Variants in TBC1D22A observed in about 807,000 individuals in gnomAD.
The protein encoded by TBC1D22A is TBC1 domain family member 22A.
A neutral mutation model predicts 60.2 loss-of-function variants in TBC1D22A; 38 were observed. That is an observed-to-expected ratio of 0.63 (90% confidence interval 0.49 to 0.83). The LOEUF (loss-of-function observed/expected upper bound fraction) is 0.83, where lower values mean the gene tolerates loss of function less well. Ranked by LOEUF, TBC1D22A falls within the 40% of genes least tolerant of loss-of-function variation. The pLI, the probability that TBC1D22A is intolerant of heterozygous loss-of-function variation, is 0.00. For synonymous variants in TBC1D22A, 302 were observed against 281.7 expected (o/e 1.07, Z -0.72); for missense variants, 628 against 701.0 (o/e 0.90, Z 1.18).
At chr22:47,018,817 G>A (rs2061987215) in intron 10 of TBC1D22A, among the ~76,000 whole-genome samples, 1 of 152,188 alleles carries the variant, frequency 6.6e-6, no homozygotes, top group African/African-American at 2.4e-5. Flanking sequence ...GGTGGGACGA[G>A]TGGAAACACG....
intron 8 of TBC1D22A, among the ~76,000 whole-genome samples, chr22:46,938,329 A>T (rs1043308808): frequency 5.3e-5 from 8 of 152,190 alleles, no homozygotes; most frequent in Non-Finnish European, 1.0e-4. Context: ...CACGCTGCAC[A>T]GGTTTGTGGC....
intron 12 of TBC1D22A, among the ~76,000 whole-genome samples, chr22:47,155,336 A>C (rs1200054045): frequency 6.6e-6 from 1 of 152,146 alleles, no homozygotes; most frequent in African/African-American, 2.4e-5. Context: ...CGGGCTGGCC[A>C]GCTCTGGCAG....
intron 8 of TBC1D22A, among the ~76,000 whole-genome samples, chr22:46,932,747 TG>T (rs1187880070): frequency 7.9e-6 from 1 of 127,112 alleles, no homozygotes; most frequent in Non-Finnish European, 1.6e-5. Context: ...TTTTTTGAGA[TG>T]GAGTCTCGCC....
intron 4 of TBC1D22A, among the ~76,000 whole-genome samples, chr22:46,825,595 T>C (rs2086019080): frequency 6.6e-6 from 1 of 152,298 alleles, no homozygotes; most frequent in Non-Finnish European, 1.5e-5. Context: ...TGCCTCAGCC[T>C]CCCAAGTAGC....
At chr22:46,792,259 G>A (rs916616693) in intron 1 of TBC1D22A, among the ~76,000 whole-genome samples, 19 of 152,030 alleles carry the variant, frequency 1.2e-4, no homozygotes, top group Admixed American at 3.3e-4. Flanking sequence ...GGTGCTTGTC[G>A]GGCTGAGGTC....
At chr22:46,765,293 A>T (rs1311619371) in intron 1 of TBC1D22A, among the ~76,000 whole-genome samples, 1 of 152,180 alleles carries the variant, frequency 6.6e-6, no homozygotes, top group Admixed American at 6.5e-5. Context: ...GAGGAGTCAC[A>T]GAGGGGTGCC....
intron 10 of TBC1D22A, among the ~76,000 whole-genome samples, chr22:47,012,857 TC>T (rs1468520354): frequency 6.6e-6 from 1 of 152,164 alleles, no homozygotes; most frequent in East Asian, 1.9e-4. Context: ...TAACAGTTGT[TC>T]CGAGAGCTCA....
At chr22:46,900,084 G>T (rs1378620373) in intron 7 of TBC1D22A, among the ~76,000 whole-genome samples, 1 of 151,390 alleles carries the variant, frequency 6.6e-6, no homozygotes, top group Non-Finnish European at 1.5e-5. Context: ...CCTCTGGTCA[G>T]CTTTATCGAG....
At chr22:47,118,146 G>A (rs2066137217) in intron 12 of TBC1D22A, among the ~76,000 whole-genome samples, 1 of 152,082 alleles carries the variant, frequency 6.6e-6, no homozygotes, top group African/African-American at 2.4e-5. Flanking sequence ...AAAAAATAAG[G>A]TGGATTGTGA....
intron 11 of TBC1D22A, among the ~76,000 whole-genome samples, chr22:47,064,842 C>G (rs142273569): frequency 1.1e-4 from 17 of 152,340 alleles, no homozygotes; most frequent in African/African-American, 3.6e-4. Context: ...AATGTTAACT[C>G]TCCAAGTGTC....
At chr22:46,774,135 G>A in intron 1 of TBC1D22A, 1 of 985,664 alleles carries the variant, frequency 1.0e-6, no homozygotes, top group African/African-American at 1.7e-5. Context: ...GGGCCTGCCT[G>A]CCCTTGGAGC....
chr22:46,793,738 G>C lies in TBC1D22A; in HGVS notation c.357G>C (p.Gly119=). Residue 119 remains glycine, a synonymous_variant, in exon 3 of 13, where the codon GGG becomes GGC. Transcript: ENST00000337137. ...QGRPTLQEGP[G]LQQKPRPEAE... is the part of the protein sequence containing the mutation. ...GGCCCACGCTGCAGGAGGGGCCAGG[G>C]CTTCAGCAGAAGCCCAGGCCCGAGG... The C allele has an allele frequency of 6.2e-7, 1 of 1,606,802 alleles. No individual in the cohort carries two copies. Among genetic ancestry groups the C allele is most frequent in the Non-Finnish European group, 8.5e-7 (1 of 1,178,016 alleles).
At chr22:47,140,289 G>T (rs919708451) in intron 12 of TBC1D22A, among the ~76,000 whole-genome samples, 6 of 152,056 alleles carry the variant, frequency 3.9e-5, no homozygotes, top group African/African-American at 1.4e-4. Context: ...ATGCTACTGT[G>T]GGCCGGGCGT....
At chr22:46,901,974 A>C (rs1050825339) in intron 7 of TBC1D22A, among the ~76,000 whole-genome samples, 1 of 152,198 alleles carries the variant, frequency 6.6e-6, no homozygotes, top group South Asian at 2.1e-4. Flanking sequence ...CAACATTTTC[A>C]ATTTCAATAT....
At chr22:46,774,258 C>T (rs1156823287) in intron 1 of TBC1D22A, 1 of 985,558 alleles carries the variant, frequency 1.0e-6, no homozygotes, top group Non-Finnish European at 1.2e-6. Context: ...TTCTAGGTCC[C>T]CCCTGGTGTT....
chr22:47,037,065 G>C lies in TBC1D22A; in HGVS notation c.1202-6G>C, dbSNP rs779625680. The C allele has an allele frequency of 5.0e-6, 8 of 1,613,298 alleles. No individual in the cohort carries two copies. The highest frequency in any genetic ancestry group is 1.7e-5 in the Admixed American group (1 of 60,004). ...CAGCCTTGGGGCCTGTGTTTGTTTT[G>C]TGCAGAGCAAGTGCACCGGCACCTG... On this transcript the variant is annotated splice_region_variant and splice_polypyrimidine_tract_variant and intron_variant, in intron 10 of 12. Coordinates refer to ENST00000337137, the MANE Select transcript of TBC1D22A (RefSeq NM_014346.5).
At chr22:46,903,769 A>AG (rs2069183922) in intron 7 of TBC1D22A, among the ~76,000 whole-genome samples, 2 of 152,172 alleles carry the variant, frequency 1.3e-5, no homozygotes, top group African/African-American at 4.8e-5. Flanking sequence ...ATCTCCTTGA[A>AG]GAGATTCTTA....
At chr22:47,129,214 C>T (rs1260138280) in intron 12 of TBC1D22A, among the ~76,000 whole-genome samples, 2 of 152,216 alleles carry the variant, frequency 1.3e-5, no homozygotes, top group Non-Finnish European at 1.5e-5. Context: ...CATGGTGGCT[C>T]ACACCTGTAA....
intron 12 of TBC1D22A, among the ~76,000 whole-genome samples, chr22:47,159,062 A>G (rs2067839988): frequency 6.6e-6 from 1 of 151,320 alleles, no homozygotes; most frequent in Non-Finnish European, 1.5e-5. Flanking sequence ...ATGTATACAC[A>G]GACACCACAC....
Sources: allele counts gnomAD v4.1 joint callset (sites outside exome capture counted in the v4.1 genomes callset), GRCh38; gene constraint gnomAD v4.1.1; transcripts MANE v1.5; gene names NCBI Gene and HGNC (gene_info 2026-07-23, HGNC 2026-07-21).